The following RBBP8 variants were observed in gnomAD, a reference collection of about 807,000 sequenced individuals.
The protein encoded by RBBP8 is RB binding protein 8, endonuclease, also known as DNA endonuclease RBBP8.
Under a neutral mutation model 108.3 loss-of-function variants are expected in RBBP8, and 88 were observed. The ratio of observed to expected loss-of-function variants is 0.81; its 90% CI spans 0.68 to 0.97. The LOEUF (loss-of-function observed/expected upper bound fraction) is 0.97, where lower values mean the gene tolerates loss of function less well. Ranked by LOEUF, RBBP8 falls within the 50% of genes least tolerant of loss-of-function variation. The probability of loss-of-function intolerance (pLI) is 0.00; values close to 1 mark genes in which losing one functional copy is unlikely to be tolerated. For synonymous variants in RBBP8, 332 were observed against 348.2 expected (o/e 0.95, Z 0.52); for missense variants, 1,023 against 1,049.0 (o/e 0.98, Z 0.34).
chr18:22,935,365 T>C (rs1412013346), intron 1 of RBBP8, among the ~76,000 whole-genome samples: 2 of 150,890 alleles, frequency 1.3e-5, no homozygotes, highest in Non-Finnish European at 3.0e-5. Flanking sequence ...TAAATATCCC[T>C]TTAACAGATA....
Position 23,026,299 on chromosome 18 carries a change from T to A in RBBP8, c.*59T>A. On this transcript the variant is annotated 3_prime_UTR_variant, in exon 19 of 19. Transcript: ENST00000327155. ...TTTTTTCCTTCTTAGTTATTTATAGTTAAAGTTGGTACTAAACATTGATTT... is the reference window on the plus strand; with the variant it reads ...TTTTTTCCTTCTTAGTTATTTATAGATAAAGTTGGTACTAAACATTGATTT... 2 of 1,363,518 alleles carry A rather than the reference T, an allele frequency of 1.5e-6. No homozygotes were observed. The highest frequency in any genetic ancestry group is 1.4e-5 in the African/African-American group (1 of 70,066). The allele number at this position is 1,363,518 out of a possible 1,614,324, so 84.5% of individuals were successfully genotyped here. A position where few individuals can be genotyped will look rare whatever the true frequency, so the allele number is the denominator to read the frequency against.
chr18:22,959,870 C>CTTTTTTT lies in RBBP8; in HGVS notation c.249-8921_249-8915dup, dbSNP rs35259762. Among the ~76,000 whole-genome samples the CTTTTTTT allele has an allele frequency of 5.9e-4, 51 of 86,258 alleles. 1 individual carries two copies. The highest frequency in any genetic ancestry group is 0.013 in the Middle Eastern group (1 of 80). 56.6% of individuals were successfully genotyped at this position (86,258 alleles called of 152,430 possible). A position where few individuals can be genotyped will look rare whatever the true frequency, so the allele number is the denominator to read the frequency against. ...TAAAAATCTATATAAGATGAACTTT[C>CTTTTTTT]TTTTTTTTTTTTTTTTTTTTTGGTG... On this transcript the variant is annotated intron_variant, in intron 4 of 18. Coordinates refer to ENST00000327155, the MANE Select transcript of RBBP8 (RefSeq NM_002894.3).
intron 8 of RBBP8, among the ~76,000 whole-genome samples, chr18:22,987,488 C>G (rs1310765654): frequency 6.6e-6 from 1 of 152,116 alleles, no homozygotes; most frequent in Non-Finnish European, 1.5e-5. Flanking sequence ...GGGTCTGTCC[C>G]TGTCACCCAG....
At chr18:23,025,326 C>T (rs945714581) in intron 18 of RBBP8, among the ~76,000 whole-genome samples, 4 of 152,186 alleles carry the variant, frequency 2.6e-5, no homozygotes, top group African/African-American at 9.7e-5. Flanking sequence ...GATTTAGCTG[C>T]ACAACAAGGA....
intron 4 of RBBP8, among the ~76,000 whole-genome samples, chr18:22,955,020 C>T (rs1410087412): frequency 6.6e-6 from 1 of 152,190 alleles, no homozygotes; most frequent in East Asian, 1.9e-4. Context: ...AGCCACTGTG[C>T]GCAGCCAGTT....
At chr18:22,991,634 G>C (rs1172035748) in intron 10 of RBBP8, among the ~76,000 whole-genome samples, 1 of 152,096 alleles carries the variant, frequency 6.6e-6, no homozygotes, top group African/African-American at 2.4e-5. Context: ...CTAATACAAT[G>C]CCTACATATC....
At chr18:22,987,131 A>G (rs374936269) in intron 8 of RBBP8, among the ~76,000 whole-genome samples, 172 of 152,260 alleles carry the variant, frequency 1.1e-3, no homozygotes, top group African/African-American at 3.8e-3. Flanking sequence ...TCTATACTCA[A>G]TATCTCTACT....
At chr18:22,979,402 T>C (rs1914738210) in intron 6 of RBBP8, among the ~76,000 whole-genome samples, 1 of 152,212 alleles carries the variant, frequency 6.6e-6, no homozygotes, top group South Asian at 2.1e-4. Flanking sequence ...AATGTAGGAT[T>C]AAAGCCTACA....
intron 18 of RBBP8, among the ~76,000 whole-genome samples, chr18:23,023,814 TATAATTCCA>T (rs2046410670): frequency 6.6e-6 from 1 of 151,666 alleles, no homozygotes; most frequent in Non-Finnish European, 1.5e-5. Flanking sequence ...GTTGTGAAAG[TATAATTCCA>T]GAGGAGCTCA....
At chr18:22,933,841 T>TCG (rs925167393) in intron 1 of RBBP8, 12 of 152,078 alleles carry the variant, frequency 7.9e-5, no homozygotes, top group African/African-American at 2.2e-4. Context: ...CGACTGCGGC[T>TCG]CGCGCGCGCG....
Position 22,989,259 on chromosome 18 carries a change from T to C in RBBP8, c.748T>C (p.Ser250Pro). ...GTSSYTPDKS[S>P]FNLATVVAET... ...AAGCAGCTATACCCCTGATAAGTCA[T>C]CTTTTAATTTAGCTACAGTTGTTGC... The change falls in exon 9 of 19, where the codon TCT becomes CCT. Residue 250 changes from serine to proline, a missense_variant. Physicochemically the swap from Ser to Pro is moderately conservative, Grantham distance 74. Coordinates refer to ENST00000327155, the MANE Select transcript of RBBP8 (RefSeq NM_002894.3). 1 of 1,611,190 alleles carries C rather than the reference T, an allele frequency of 6.2e-7. No individual in the cohort carries two copies. Among genetic ancestry groups the C allele is most frequent in the South Asian group, 1.1e-5 (1 of 91,002 alleles).
chr18:23,014,426 G>A (rs1433571573), intron 16 of RBBP8, among the ~76,000 whole-genome samples: 1 of 152,114 alleles, frequency 6.6e-6, no homozygotes, highest in Non-Finnish European at 1.5e-5. Context: ...ATGAGGCCAG[G>A]ACTTCAAGAC....
chr18:22,949,828 T>C, intron 4 of RBBP8, 115 bp downstream of exon 4: 1 of 750,566 alleles, frequency 1.3e-6, no homozygotes, highest in South Asian at 1.6e-5. Flanking sequence ...CACAGCCTTC[T>C]CTCACCTTTG....
intron 4 of RBBP8, among the ~76,000 whole-genome samples, chr18:22,954,153 G>A (rs926852423): frequency 1.3e-5 from 2 of 152,018 alleles, no homozygotes; most frequent in African/African-American, 4.8e-5. Context: ...TCATGTCCTC[G>A]CATTTCAAGA....
chr18:22,923,937 C>CCAAA (rs1203846835), intron 3 of RBBP8, among the ~76,000 whole-genome samples: 149 of 151,950 alleles, frequency 9.8e-4, no homozygotes, highest in African/African-American at 3.4e-3. Context: ...AGCATATGTG[C>CCAAA]CAAAAATGCT....
At chr18:23,012,661 A>G (rs1209440120) in intron 16 of RBBP8, among the ~76,000 whole-genome samples, 2 of 152,250 alleles carry the variant, frequency 1.3e-5, no homozygotes, top group African/African-American at 4.8e-5. Flanking sequence ...TCCATAATAT[A>G]AAAGTGCAAA....
chr18:22,938,419 T>C (rs187307157), intron 2 of RBBP8, among the ~76,000 whole-genome samples: 23 of 152,258 alleles, frequency 1.5e-4, no homozygotes, highest in Admixed American at 1.3e-3. Context: ...AACTCCTGAG[T>C]TCAGGTGATC....
At chr18:23,024,952 T>C (rs548266379) in intron 18 of RBBP8, among the ~76,000 whole-genome samples, 90 of 152,292 alleles carry the variant, frequency 5.9e-4, no homozygotes, top group Middle Eastern at 3.4e-3. Flanking sequence ...TGCCATCTTA[T>C]AGAAACTATT....
chr18:23,000,184 G>A (rs2045924001), intron 14 of RBBP8, among the ~76,000 whole-genome samples: 1 of 152,188 alleles, frequency 6.6e-6, no homozygotes, highest in South Asian at 2.1e-4. Flanking sequence ...GTAAGAGTGA[G>A]AGAGTGCTGT....
Sources: allele counts gnomAD v4.1 joint callset (sites outside exome capture counted in the v4.1 genomes callset), GRCh38; gene constraint gnomAD v4.1.1; transcripts MANE v1.5; gene names NCBI Gene and HGNC (gene_info 2026-07-23, HGNC 2026-07-21).